The following MMP15 variants were observed in gnomAD, a reference collection of about 807,000 sequenced individuals.
MMP15 encodes the protein matrix metallopeptidase 15, also known as matrix metalloproteinase-15.
Under a neutral mutation model 65.0 loss-of-function variants are expected in MMP15, and 36 were observed. That is an observed-to-expected ratio of 0.55 (90% CI 0.42 to 0.73). MMP15 has a LOEUF of 0.73. Among genes scored for constraint, MMP15 ranks in the 30% least tolerant of loss-of-function variants. MMP15 has a pLI of 0.00. For missense variants in MMP15, 870 were observed against 987.8 expected (o/e 0.88, Z 1.60); for synonymous variants, 428 against 410.2 (o/e 1.04, Z -0.52).
rs1414231802 is a variant in MMP15, at chr16:58,037,483, G to T, written c.174G>T (p.Arg58=). The change falls in exon 2 of 10, where the codon CGG becomes CGT. Residue 58 remains arginine (R), a synonymous_variant. Transcript: ENST00000219271. Reference sequence around the variant, plus strand: ...CGGCTTCTTTGCAGAACTGGCTGCGGCTTTATGGCTACCTGCCTCAGCCCA... The same window carrying T: ...CGGCTTCTTTGCAGAACTGGCTGCGTCTTTATGGCTACCTGCCTCAGCCCA... ...DAEVHAENWL[R]LYGYLPQPSR... 6.2e-7 allele frequency: 1 copy of T among 1,613,762 alleles called. No homozygotes were observed. Among genetic ancestry groups the T allele is most frequent in the South Asian group, 1.1e-5 (1 of 91,082 alleles).
chr16:58,044,090 A>G (rs1256153749), intron 9 of MMP15, among the ~76,000 whole-genome samples: 1 of 152,150 alleles, frequency 6.6e-6, no homozygotes, highest in Non-Finnish European at 1.5e-5. Flanking sequence ...TGTCTCTGTC[A>G]TTATAACCAA....
At chr16:58,038,455 C>T in intron 3 of MMP15, 61 bp downstream of exon 3, 1 of 1,602,480 alleles carries the variant, frequency 6.2e-7, no homozygotes, top group Non-Finnish European at 8.5e-7. Context: ...CTCAGACCTC[C>T]TTTCCCAGAG....
chr16:58,043,182 C>T, intron 7 of MMP15, 28 bp from the exon 8 acceptor site: 2 of 1,552,386 alleles, frequency 1.3e-6, no homozygotes, highest in Non-Finnish European at 1.7e-6. Flanking sequence ...CAGGCCTGAC[C>T]TCACTGTGCC....
Position 58,045,798 on chromosome 16 carries a change from C to A in MMP15, c.*352C>A. 1 of 261,728 alleles carries A rather than the reference C, an allele frequency of 3.8e-6. No homozygotes were observed. Among genetic ancestry groups the A allele is most frequent in the Non-Finnish European group, 7.2e-6 (1 of 138,316 alleles). 16.2% of individuals were successfully genotyped at this position (261,728 alleles called of 1,614,324 possible). ...CACCTCCTCAGCCTGAACCCCAGGG[C>A]TGTAACTGCCAGGCTCTCTTTGCCC... On this transcript the variant is annotated 3_prime_UTR_variant, in exon 10 of 10. Transcript: ENST00000219271.
rs1963816115 is a variant in MMP15, at chr16:58,026,447, C to T, written c.97C>T (p.Leu33Phe). 2.8e-6 allele frequency: 4 copies of T among 1,452,804 alleles called. No individual in the cohort carries two copies. Among genetic ancestry groups the T allele is most frequent in the Admixed American group, 2.7e-5 (1 of 37,502 alleles). The allele number at this position is 1,452,804 out of a possible 1,614,324, so 90.0% of individuals were successfully genotyped here. A position where few individuals can be genotyped will look rare whatever the true frequency, so the allele number is the denominator to read the frequency against. ...EAARPRLLPLLLVLLGCLGLG... is the reference protein window; with the variant it reads ...EAARPRLLPLFLVLLGCLGLG... ...GGCGCGGCCGCGACTGCTGCCGCTG[C>T]TCCTGGTGCTTCTGGGCTGCCTGGG... The change falls in exon 1 of 10, where the codon CTC becomes TTC. Residue 33 changes from leucine to phenylalanine, a missense_variant. By Grantham distance (22) the Leu-to-Phe change is conservative. Transcript: ENST00000219271.
chr16:58,026,987 G>A (rs1963829115), intron 1 of MMP15, among the ~76,000 whole-genome samples: 1 of 152,250 alleles, frequency 6.6e-6, no homozygotes, highest in Non-Finnish European at 1.5e-5. Context: ...CTCCTGCCCA[G>A]GTGGCCTCCC....
rs906757625 is a variant in MMP15, at chr16:58,039,397, G to A, written c.441-478G>A. On this transcript the variant is annotated intron_variant, in intron 3 of 9. Transcript: ENST00000219271. ...CAGTGAGCCGAGATTGCGCCACTGC[G>A]CTCCAGCCCGGGTGACAGAGCAAGA... is the stretch of plus-strand genomic sequence containing the variant. Among the ~76,000 whole-genome samples, 8 of 152,200 alleles carry A rather than the reference G, an allele frequency of 5.3e-5. No individual in the cohort carries two copies. The East Asian group carries it at 5.8e-4, about 11-fold the overall frequency.
chr16:58,041,655 C>A lies in MMP15; in HGVS notation c.949C>A (p.Pro317Thr). The A allele has an allele frequency of 6.3e-7, 1 of 1,582,136 alleles. No individual in the cohort carries two copies. Among genetic ancestry groups the A allele is most frequent in the East Asian group, 2.3e-5 (1 of 42,602 alleles). Reference sequence around the variant, plus strand: ...TCAGCCACAGCCTACCCAGCCTCTCCCCACTGTGACGCCACGGCGGCCAGG... The same window carrying A: ...TCAGCCACAGCCTACCCAGCCTCTCACCACTGTGACGCCACGGCGGCCAGG... ...DGQPQPTQPL[P>T]TVTPRRPGRP... The change falls in exon 6 of 10, where the codon CCC becomes ACC. Residue 317 changes from proline (P) to threonine (T), a missense_variant. Pro to Thr is a conservative substitution (Grantham distance 38, BLOSUM62 -1). Coordinates refer to ENST00000219271, the MANE Select transcript of MMP15 (RefSeq NM_002428.4).
rs1044246247 is a variant in MMP15 at position 58,038,529 on chromosome 16, C to T, written c.440+135C>T. 38 of 1,134,430 alleles carry T rather than the reference C, an allele frequency of 3.3e-5. 1 individual carries two copies. The highest frequency in any genetic ancestry group is 1.4e-4 in the African/African-American group (9 of 64,628). The allele number at this position is 1,134,430 out of a possible 1,614,324, so 70.3% of individuals were successfully genotyped here. ...TCACGCTGATGAGACCAGCCACACACGCCAGGCAGTCTCCCTCGAGGGAAG... is the reference window on the plus strand; with the variant it reads ...TCACGCTGATGAGACCAGCCACACATGCCAGGCAGTCTCCCTCGAGGGAAG... On this transcript the variant is annotated intron_variant, in intron 3 of 9. Transcript: ENST00000219271.
At chr16:58,034,940 C>T (rs981105840) in intron 1 of MMP15, among the ~76,000 whole-genome samples, 2 of 148,100 alleles carry the variant, frequency 1.4e-5, no homozygotes, top group African/African-American at 4.9e-5. Context: ...CCCCACCCTC[C>T]CCTCCTGTCG....
chr16:58,045,749 C>T lies in MMP15; in HGVS notation c.*303C>T. On this transcript the variant is annotated 3_prime_UTR_variant, in exon 10 of 10. Transcript: ENST00000219271. Reference sequence around the variant, plus strand: ...GGCCACAGCCAGGGGAGCAGAGGGGCAGAGGCCCACATTGGAAGAGCAGCA... The same window carrying T: ...GGCCACAGCCAGGGGAGCAGAGGGGTAGAGGCCCACATTGGAAGAGCAGCA... 2.5e-6 allele frequency: 1 copy of T among 395,352 alleles called. No individual in the cohort carries two copies. The highest frequency in any genetic ancestry group is 4.5e-6 in the Non-Finnish European group (1 of 221,576). 24.5% of individuals were successfully genotyped at this position (395,352 alleles called of 1,614,324 possible).
At chr16:58,027,382 C>T (rs1963837358) in intron 1 of MMP15, among the ~76,000 whole-genome samples, 1 of 152,222 alleles carries the variant, frequency 6.6e-6, no homozygotes, top group African/African-American at 2.4e-5. Flanking sequence ...ACACCGAAGG[C>T]GCCAGCTTTC....
chr16:58,036,465 G>A (rs1378521876), intron 1 of MMP15, among the ~76,000 whole-genome samples: 2 of 152,204 alleles, frequency 1.3e-5, no homozygotes, highest in Non-Finnish European at 2.9e-5. Context: ...AGAGGGTGTT[G>A]AGAAACATCT....
Position 58,038,303 on chromosome 16 carries a change from T to C in MMP15, c.349T>C (p.Phe117Leu), listed in dbSNP as rs1959376873. The C allele has an allele frequency of 6.2e-7, 1 of 1,614,018 alleles. No individual in the cohort carries two copies. Among genetic ancestry groups the C allele is most frequent in the Admixed American group, 1.7e-5 (1 of 60,018 alleles). Residue 117 changes from phenylalanine (F) to leucine (L), a missense_variant, in exon 3 of 10, where the codon TTC becomes CTC. By Grantham distance (22) the Phe-to-Leu change is conservative (BLOSUM62 0). Transcript: ENST00000219271. ...GCCCCGCTGTGGGGTGCCAGACCAG[T>C]TCGGGGTACGAGTGAAAGCCAACCT... ...KRPRCGVPDQ[F>L]GVRVKANLRR... is the part of the protein sequence containing the mutation.
At chr16:58,037,941 A>G (rs1017584744) in intron 2 of MMP15, among the ~76,000 whole-genome samples, 13 of 152,222 alleles carry the variant, frequency 8.5e-5, no homozygotes, top group Admixed American at 8.5e-4. Flanking sequence ...CTATGAATCT[A>G]ACAAGTGACA....
chr16:58,042,481 C>A, intron 7 of MMP15, 112 bp downstream of exon 7: 2 of 1,424,522 alleles, frequency 1.4e-6, no homozygotes, highest in Non-Finnish European at 9.6e-7. Context: ...TGGTCCTGTG[C>A]CCCCACTGTG....
chr16:58,040,850 G>C, intron 5 of MMP15, 152 bp downstream of exon 5: 1 of 1,195,434 alleles, frequency 8.4e-7, no homozygotes, highest in Non-Finnish European at 1.2e-6. Flanking sequence ...GGAATAAATG[G>C]TGGTACTGGA....
chr16:58,043,664 A>AATATCCCCTGCTT, intron 9 of MMP15, 37 bp downstream of exon 9: 1 of 1,477,070 alleles, frequency 6.8e-7, no homozygotes, highest in Non-Finnish European at 9.3e-7. Context: ...CCCAGCACCT[A>AATATCCCCTGCTT]ATATCCCCTG....
Position 58,043,376 on chromosome 16 carries a change from C to T in MMP15, c.1454+16C>T. 2.5e-6 allele frequency: 4 copies of T among 1,600,362 alleles called. No individual in the cohort carries two copies. Among genetic ancestry groups the T allele is most frequent in the Non-Finnish European group, 3.4e-6 (4 of 1,173,516 alleles). On this transcript the variant is annotated intron_variant, in intron 8 of 9. Transcript: ENST00000219271. ...AAGAGGACAGGTGAGCAGTGCGTCCCTCCCCTAAGGGGAGAAGGCCCCATC... is the reference window on the plus strand; with the variant it reads ...AAGAGGACAGGTGAGCAGTGCGTCCTTCCCCTAAGGGGAGAAGGCCCCATC...
Sources: gnomAD v4.1 joint callset for allele counts (sites outside exome capture counted in the v4.1 genomes callset) on GRCh38, gnomAD v4.1.1 for gene constraint, MANE v1.5 for transcripts, NCBI Gene and HGNC (gene_info 2026-07-23, HGNC 2026-07-21) for gene names.